ANKRD30B: variants seen among roughly 807,000 people sequenced by gnomAD.
ANKRD30B encodes ankyrin repeat domain-containing protein 30B.
A neutral mutation model predicts 202.2 loss-of-function variants in ANKRD30B; 144 were observed. That is an observed-to-expected ratio of 0.71 (90% CI 0.62 to 0.82). The LOEUF is 0.82. Ranked by LOEUF, ANKRD30B falls within the 40% of genes least tolerant of loss-of-function variation. The pLI, the probability that ANKRD30B is intolerant of heterozygous loss-of-function variation, is 0.00. For missense variants in ANKRD30B, 1,487 were observed against 1,669.1 expected (o/e 0.89, Z 1.90); for synonymous variants, 508 against 561.3 (o/e 0.91, Z 1.34).
At chr18:14,782,773 GC>G (rs1006633345) in intron 12 of ANKRD30B, among the ~76,000 whole-genome samples, 159 bp downstream of exon 12, 3 of 152,110 alleles carry the variant, frequency 2.0e-5, no homozygotes, top group African/African-American at 7.2e-5. Context: ...TCAGGTGTTG[GC>G]AACAGGAATA....
the ANKRD30B span, among the ~76,000 whole-genome samples, chr18:14,908,587 T>C: frequency 6.6e-6 from 1 of 152,302 alleles, no homozygotes; most frequent in Admixed American, 6.5e-5. Flanking sequence ...CTCACCATCA[T>C]CCATGTGTTC....
At chr18:14,906,774 G>A in the ANKRD30B span, among the ~76,000 whole-genome samples, 2 of 152,054 alleles carry the variant, frequency 1.3e-5, no homozygotes, top group Admixed American at 6.6e-5. Context: ...ACAGCCCTCA[G>A]GAGATCTTGA....
rs767765548 is a variant in ANKRD30B at position 14,754,931 on chromosome 18, G to T, written c.543G>T (p.Gln181His). The change falls in exon 4 of 44, where the codon CAG becomes CAT. Residue 181 changes from glutamine (Q) to histidine (H), a missense_variant. Physicochemically the swap from Gln to His is conservative, Grantham distance 24. Transcript: ENST00000690538. ...ASLTPLLLAIQKRSKQTVEFL... is the reference protein window; with the variant it reads ...ASLTPLLLAIHKRSKQTVEFL... ...TCACACCCCTTTTACTGGCCATACA[G>T]AAAAGAAGCAAGCAAACTGTGGAAT... 1.9e-6 allele frequency: 3 copies of T among 1,558,428 alleles called. No individual in the cohort carries two copies.
At chr18:14,766,472 C>CAAAAAAAAAAAAAAAAA (rs1168681924) in intron 7 of ANKRD30B, among the ~76,000 whole-genome samples, 13 of 55,588 alleles carry the variant, frequency 2.3e-4, no homozygotes, top group East Asian at 7.8e-4. Flanking sequence ...GACTCCATCT[C>CAAAAAAAAAAAAAAAAA]AAAAAAAAAA....
At chr18:14,898,556 G>T in the ANKRD30B span, among the ~76,000 whole-genome samples, 1 of 152,074 alleles carries the variant, frequency 6.6e-6, no homozygotes, top group Non-Finnish European at 1.5e-5. Context: ...GACTCCTGCC[G>T]CAAACTGGTA....
the ANKRD30B span, among the ~76,000 whole-genome samples, chr18:14,867,138 TG>T: frequency 3.1e-4 from 13 of 41,922 alleles, no homozygotes; most frequent in African/African-American, 1.0e-3. Flanking sequence ...GTGGTCCGGG[TG>T]GGGGGCGGGT....
At chr18:14,935,308 C>T in the ANKRD30B span, among the ~76,000 whole-genome samples, 56 of 152,278 alleles carry the variant, frequency 3.7e-4, 2 homozygotes, top group East Asian at 9.1e-3. Context: ...GTTAGCTTTC[C>T]GGTGTATTCT....
At chr18:14,906,370 G>T in the ANKRD30B span, among the ~76,000 whole-genome samples, 1 of 152,114 alleles carries the variant, frequency 6.6e-6, no homozygotes, top group East Asian at 1.9e-4. Context: ...CATGTTTCTT[G>T]AATGACTCTC....
the ANKRD30B span, among the ~76,000 whole-genome samples, chr18:14,937,874 C>T: frequency 0.036 from 5,506 of 152,206 alleles, 152 homozygotes; most frequent in Non-Finnish European, 0.055. Flanking sequence ...AAGCAAAGGC[C>T]CCTGGCGTCT....
At chr18:14,910,185 C>T in the ANKRD30B span, 3 of 152,108 alleles carry the variant, frequency 2.0e-5, no homozygotes, top group Non-Finnish European at 4.4e-5. Flanking sequence ...ACAGTGTACT[C>T]ATCACCTGAA....
chr18:14,885,839 C>T, the ANKRD30B span, among the ~76,000 whole-genome samples: 1 of 151,786 alleles, frequency 6.6e-6, no homozygotes, highest in Non-Finnish European at 1.5e-5. Context: ...TTGTTCACTG[C>T]TTTGAAAGTA....
chr18:14,797,453 G>GC (rs1968985327), intron 18 of ANKRD30B, among the ~76,000 whole-genome samples: 1 of 152,148 alleles, frequency 6.6e-6, no homozygotes, highest in Non-Finnish European at 1.5e-5. Flanking sequence ...CAGGAGCATT[G>GC]CATCTTTTAT....
chr18:14,929,801 G>A, the ANKRD30B span, among the ~76,000 whole-genome samples: 1 of 152,156 alleles, frequency 6.6e-6, no homozygotes, highest in Non-Finnish European at 1.5e-5. Context: ...ATGTGTGTGT[G>A]TATGTGTGTG....
chr18:14,871,037 ACC>A, the ANKRD30B span, among the ~76,000 whole-genome samples: 15 of 51,516 alleles, frequency 2.9e-4, 1 homozygote, highest in African/African-American at 1.4e-3. Flanking sequence ...CCTCACCCAC[ACC>A]CCCACCCACA....
Position 14,758,353 on chromosome 18 carries a change from A to G in ANKRD30B, c.755+401A>G, listed in dbSNP as rs1383860353. On this transcript the variant is annotated intron_variant, in intron 5 of 43. Coordinates refer to ENST00000690538, the MANE Select transcript of ANKRD30B (RefSeq NM_001367607.2). ...AGTCCAAGGAAGACATTCATTTTGC[A>G]TAAGTCAGAAGGATTTGGGGGGACA... Among the ~76,000 whole-genome samples the G allele has an allele frequency of 4.6e-5, 7 of 152,320 alleles. No individual in the cohort carries two copies. In the South Asian group the frequency reaches 6.2e-4, roughly 14 times the overall value.
chr18:14,760,617 A>G lies in ANKRD30B; in HGVS notation c.819A>G (p.Pro273=), dbSNP rs1303342638. The change falls in exon 6 of 44, where the codon CCA becomes CCG. Residue 273 remains proline (P), a splice_region_variant and synonymous_variant. Coordinates refer to ENST00000690538, the MANE Select transcript of ANKRD30B (RefSeq NM_001367607.2). ...CTAAAAATCCTCAAAATACCAATCC[A>G]GGTAAGACTTCGGATAGCAAACTAC... ...KLPKNPQNTN[P]EGTSTGTPDE... is the part of the protein sequence containing the mutation. The G allele has an allele frequency of 6.5e-7, 1 of 1,533,688 alleles. No individual in the cohort carries two copies. Among genetic ancestry groups the G allele is most frequent in the Non-Finnish European group, 8.8e-7 (1 of 1,137,432 alleles).
the ANKRD30B span, among the ~76,000 whole-genome samples, chr18:14,889,212 A>G: frequency 7.9e-5 from 12 of 151,998 alleles, no homozygotes; most frequent in African/African-American, 2.9e-4. Flanking sequence ...AACAGGCCTC[A>G]TATTACTATT....
chr18:14,855,972 C>A (rs1972096522), downstream of ANKRD30B, among the ~76,000 whole-genome samples: 1 of 134,382 alleles, frequency 7.4e-6, no homozygotes. Flanking sequence ...AGATGATGGG[C>A]AGCTGGGCAA....
chr18:14,854,832 AACACACACACACACACACACACACACAC>A (rs56259305), downstream of ANKRD30B, among the ~76,000 whole-genome samples: 20 of 134,184 alleles, frequency 1.5e-4, no homozygotes, highest in African/African-American at 5.0e-4. Context: ...ACTATCCACG[AACACACACACACACACACACACACACAC>A]ACACACACAC....
Sources: gnomAD v4.1 joint callset for allele counts (sites outside exome capture counted in the v4.1 genomes callset) on GRCh38, gnomAD v4.1.1 for gene constraint, MANE v1.5 for transcripts, NCBI Gene and HGNC (gene_info 2026-07-23, HGNC 2026-07-21) for gene names.